The following DEPTOR variants were observed in gnomAD, a reference collection of about 807,000 sequenced individuals.
DEPTOR encodes DEP domain-containing mTOR-interacting protein.
A neutral mutation model predicts 41.6 loss-of-function variants in DEPTOR; 41 were observed. The ratio of observed to expected loss-of-function variants is 0.98; its 90% confidence interval spans 0.77 to 1.28. The LOEUF (loss-of-function observed/expected upper bound fraction) is 1.28. DEPTOR is among the 50% of genes most tolerant of loss of function. DEPTOR has a pLI of 0.00. For missense variants in DEPTOR, 514 were observed against 527.9 expected (o/e 0.97, Z 0.26); for synonymous variants, 195 against 192.3 (o/e 1.01, Z -0.12).
intron 4 of DEPTOR, among the ~76,000 whole-genome samples, chr8:119,991,104 C>CTTTTTCTTTCTTTCTTTG (rs1386158084): frequency 1.4e-5 from 1 of 69,266 alleles, no homozygotes; most frequent in Non-Finnish European, 3.2e-5. Context: ...TTCTTTCTTT[C>CTTTTTCTTTCTTTCTTTG]TTTCTTTCTT....
chr8:120,049,100 A>G (rs1197709756), intron 8 of DEPTOR, among the ~76,000 whole-genome samples: 1 of 152,120 alleles, frequency 6.6e-6, no homozygotes, highest in African/African-American at 2.4e-5. Context: ...GTGTTTTGGT[A>G]TTTTTTACAT....
chr8:119,936,216 T>C lies in DEPTOR; in HGVS notation c.425+6278T>C, dbSNP rs553934006. Among the ~76,000 whole-genome samples the C allele has an allele frequency of 3.9e-5, 6 of 152,162 alleles. No individual in the cohort carries two copies. The East Asian group carries it at 1.2e-3, about 29-fold the overall frequency. On this transcript the variant is annotated intron_variant, in intron 3 of 8. Coordinates refer to ENST00000286234, the MANE Select transcript of DEPTOR (RefSeq NM_022783.4). ...CCAAAGAGAAATAAAAGGGAGAGAG[T>C]ACATCCAAAGAGGCAAAGCCCTTCT... is the stretch of plus-strand genomic sequence containing the variant.
intron 1 of DEPTOR, among the ~76,000 whole-genome samples, chr8:119,897,714 T>C (rs1827539148): frequency 6.6e-6 from 1 of 152,146 alleles, no homozygotes; most frequent in Non-Finnish European, 1.5e-5. Context: ...TGAGATTTGG[T>C]AGAAAATAGG....
Position 120,001,517 on chromosome 8 carries a change from C to A in DEPTOR, c.605-8C>A. On this transcript the variant is annotated splice_polypyrimidine_tract_variant and splice_region_variant and intron_variant, in intron 4 of 8. Transcript: ENST00000286234. ...GTCCTCATTGGTTGTTTTTTTTTTT[C>A]TCCCCAGTGTCCAACAAGCACCCAT... 1 of 1,539,612 alleles carries A rather than the reference C, an allele frequency of 6.5e-7. No homozygotes were observed. The highest frequency in any genetic ancestry group is 1.8e-4 in the Middle Eastern group (1 of 5,506).
intron 1 of DEPTOR, among the ~76,000 whole-genome samples, chr8:119,888,927 T>C (rs1827410656): frequency 6.7e-6 from 1 of 149,680 alleles, no homozygotes; most frequent in Admixed American, 6.6e-5. Context: ...GTAAAATCAA[T>C]TTTATGAAGG....
chr8:119,970,156 T>A (rs1296780685), intron 4 of DEPTOR, among the ~76,000 whole-genome samples: 1 of 152,252 alleles, frequency 6.6e-6, no homozygotes, highest in East Asian at 1.9e-4. Context: ...AATGTCTGTA[T>A]GTTGACCACA....
intron 8 of DEPTOR, among the ~76,000 whole-genome samples, chr8:120,033,413 G>A (rs74665839): frequency 2.3e-3 from 346 of 152,234 alleles, no homozygotes; most frequent in African/African-American, 7.8e-3. Flanking sequence ...AGTTGAGGCC[G>A]AAAGAGTTTG....
intron 1 of DEPTOR, among the ~76,000 whole-genome samples, chr8:119,923,893 C>CTTTTCT (rs1554673843): frequency 5.7e-5 from 6 of 104,978 alleles, no homozygotes; most frequent in African/African-American, 1.8e-4. Flanking sequence ...TTTTTTCTTT[C>CTTTTCT]TTTTTTTTTT....
At chr8:120,000,092 G>A (rs898936975) in intron 4 of DEPTOR, among the ~76,000 whole-genome samples, 2 of 151,926 alleles carry the variant, frequency 1.3e-5, no homozygotes, top group African/African-American at 4.8e-5. Flanking sequence ...CTGGGTGAAG[G>A]GTACCCAGGA....
chr8:119,961,113 C>G (rs957499863), intron 3 of DEPTOR, among the ~76,000 whole-genome samples: 1 of 151,570 alleles, frequency 6.6e-6, no homozygotes, highest in African/African-American at 2.4e-5. Flanking sequence ...TTGAGAAAAA[C>G]AAGGCTGAAT....
intron 4 of DEPTOR, among the ~76,000 whole-genome samples, chr8:119,968,269 C>CT (rs1828587471): frequency 1.3e-5 from 2 of 151,944 alleles, no homozygotes; most frequent in African/African-American, 4.8e-5. Flanking sequence ...GGTAGATATT[C>CT]TTTTTTTAAA....
chr8:119,977,988 C>A (rs1020653170), intron 4 of DEPTOR, among the ~76,000 whole-genome samples: 1 of 152,022 alleles, frequency 6.6e-6, no homozygotes, highest in African/African-American at 2.4e-5. Context: ...CAGTGTCATA[C>A]CTATGAATAT....
chr8:119,916,266 ATTTTTTTTTTTTTTTTTTTTTT>A (rs71304925), intron 1 of DEPTOR, among the ~76,000 whole-genome samples: 5 of 123,294 alleles, frequency 4.1e-5, no homozygotes, highest in Non-Finnish European at 6.7e-5. Context: ...GGCTAGGCTA[ATTTTTTTTTTTTTTTTTTTTTT>A]TTTTTTTTTT....
chr8:119,945,839 A>G (rs1828264034), intron 3 of DEPTOR, among the ~76,000 whole-genome samples: 1 of 152,182 alleles, frequency 6.6e-6, no homozygotes, highest in Non-Finnish European at 1.5e-5. Context: ...TAAACGTTCT[A>G]AGACACAGAC....
intron 4 of DEPTOR, among the ~76,000 whole-genome samples, chr8:119,979,033 A>G (rs1158640167): frequency 6.6e-6 from 1 of 152,150 alleles, no homozygotes; most frequent in African/African-American, 2.4e-5. Flanking sequence ...GCCAGGGAGT[A>G]ACTACCAGGA....
At chr8:119,904,724 G>T (rs946437297) in intron 1 of DEPTOR, among the ~76,000 whole-genome samples, 3 of 151,652 alleles carry the variant, frequency 2.0e-5, no homozygotes, top group Non-Finnish European at 4.4e-5. Flanking sequence ...TCGAACTCCT[G>T]ACCTCAGGTG....
At chr8:119,938,658 G>A (rs370772123) in intron 3 of DEPTOR, among the ~76,000 whole-genome samples, 1 of 152,100 alleles carries the variant, frequency 6.6e-6, no homozygotes, top group African/African-American at 2.4e-5. Flanking sequence ...GATTACAGGT[G>A]TGCATTACCA....
chr8:120,032,495 A>G (rs1217804553), intron 8 of DEPTOR, among the ~76,000 whole-genome samples: 1 of 152,172 alleles, frequency 6.6e-6, no homozygotes, highest in Non-Finnish European at 1.5e-5. Context: ...TGCTGGGATT[A>G]CAGGCGTGAG....
chr8:119,880,016 C>T (rs1827278589), intron 1 of DEPTOR, among the ~76,000 whole-genome samples: 1 of 151,646 alleles, frequency 6.6e-6, no homozygotes, highest in African/African-American at 2.4e-5. Context: ...GTGGCAGGCA[C>T]CTATAGTCCC....
Sources: allele counts gnomAD v4.1 joint callset (sites outside exome capture counted in the v4.1 genomes callset), GRCh38; gene constraint gnomAD v4.1.1; transcripts MANE v1.5; gene names NCBI Gene and HGNC (gene_info 2026-07-23, HGNC 2026-07-21).